Variants in C6orf89 observed in about 807,000 individuals in gnomAD.
C6orf89 encodes bombesin receptor-activated protein C6orf89.
A neutral mutation model predicts 40.7 loss-of-function variants in C6orf89; 29 were observed. The ratio of observed to expected loss-of-function variants is 0.71; its 90% confidence interval spans 0.53 to 0.97. C6orf89 has a LOEUF of 0.97. Among genes scored for constraint, C6orf89 ranks in the 50% least tolerant of loss-of-function variants. C6orf89 has a pLI of 0.00. For synonymous variants in C6orf89, 165 were observed against 152.2 expected, an observed-to-expected ratio of 1.08 and a Z score of -0.62; for missense variants, 392 against 429.1, an observed-to-expected ratio of 0.91 and a Z score of 0.76.
chr6:36,875,652 A>C (rs1432848629), intron 1 of C6orf89, among the ~76,000 whole-genome samples: 3 of 152,266 alleles, frequency 2.0e-5, no homozygotes, highest in African/African-American at 7.2e-5. Context: ...TGCTTTGCAC[A>C]CCACTTAATA....
At chr6:36,890,429 T>G (rs1761153791) in intron 1 of C6orf89, among the ~76,000 whole-genome samples, 1 of 152,232 alleles carries the variant, frequency 6.6e-6, no homozygotes, top group Non-Finnish European at 1.5e-5. Context: ...TTATTTCACT[T>G]AGCATAATGT....
chr6:36,906,117 C>T (rs1029183339), intron 4 of C6orf89, among the ~76,000 whole-genome samples: 1 of 152,154 alleles, frequency 6.6e-6, no homozygotes, highest in Non-Finnish European at 1.5e-5. Context: ...ATTTGGAACT[C>T]GATGCATCCC....
chr6:36,911,653 T>A (rs1762129003), intron 4 of C6orf89, among the ~76,000 whole-genome samples: 1 of 152,172 alleles, frequency 6.6e-6, no homozygotes, highest in African/African-American at 2.4e-5. Flanking sequence ...CTGGGAAGAC[T>A]GTCATAATTA....
At chr6:36,897,418 G>A (rs147306644) in intron 2 of C6orf89, among the ~76,000 whole-genome samples, 209 of 152,140 alleles carry the variant, frequency 1.4e-3, no homozygotes, top group Middle Eastern at 3.4e-3. Flanking sequence ...TTCAATCCTG[G>A]GTTGGTAGAA....
At chr6:36,917,635 AAGCCTATAAAAACAATCATTTTGTCT>A (rs1307478536) in intron 7 of C6orf89, among the ~76,000 whole-genome samples, 2 of 152,230 alleles carry the variant, frequency 1.3e-5, no homozygotes, top group Non-Finnish European at 1.5e-5. Context: ...AGGAATTTAA[AAGCCTATAAAAACAATCATTTTGTCT>A]AGAAGTAAGA....
In C6orf89 at chr6:36,925,726, G is replaced by A. The variant is rs1324094979; in HGVS notation, c.*2285G>A. The A allele has an allele frequency of 1.3e-5, 2 of 152,248 alleles. No individual in the cohort carries two copies. Among genetic ancestry groups the A allele is most frequent in the Non-Finnish European group, 2.9e-5 (2 of 68,048 alleles). 9.4% of individuals were successfully genotyped at this position (152,248 alleles called of 1,614,324 possible). On this transcript the variant is annotated 3_prime_UTR_variant, in exon 9 of 9. Transcript: ENST00000480824. ...GCCAGAGCGACAGGAGTGGCTAGGG[G>A]TTGCCAGCCAGTCCCTTTCTGATGA...
At chr6:36,890,928 T>C (rs1343307561) in intron 1 of C6orf89, among the ~76,000 whole-genome samples, 2 of 152,226 alleles carry the variant, frequency 1.3e-5, no homozygotes, top group Non-Finnish European at 2.9e-5. Context: ...TTTTATCAGT[T>C]ATTTTTCCTT....
chr6:36,913,383 G>A (rs1762194681), intron 4 of C6orf89, among the ~76,000 whole-genome samples: 1 of 152,168 alleles, frequency 6.6e-6, no homozygotes, highest in Non-Finnish European at 1.5e-5. Flanking sequence ...TTATTCCAAA[G>A]ATGGCTCCAG....
chr6:36,914,419 AT>A lies in C6orf89; in HGVS notation c.540del (p.Pro181HisfsTer3), dbSNP rs1762241019. On this transcript the variant is annotated frameshift_variant, in exon 5 of 9. Transcript: ENST00000480824. LOFTEE classifies it high-confidence loss of function. Reference protein sequence around the residue: ...EDAPRKFERLHPLVIKTGKPL... With the variant: ...EDAPRKFERLXPLVIKTGKPL... ...GCCCCAAGGAAATTTGAGAGGCTCC[AT>A]CCACTGGTGATCAAGGTGAGCAGAA... 2 of 1,614,092 alleles carry A rather than the reference AT, an allele frequency of 1.2e-6. No homozygotes were observed. The highest frequency in any genetic ancestry group is 2.7e-5 in the African/African-American group (2 of 74,940).
At chr6:36,905,005 C>T (rs1761873681) in intron 4 of C6orf89, among the ~76,000 whole-genome samples, 1 of 152,168 alleles carries the variant, frequency 6.6e-6, no homozygotes, top group African/African-American at 2.4e-5. Flanking sequence ...CCCCTAAATG[C>T]TCTCAATAAG....
rs138348353 is a variant in C6orf89 at position 36,900,836 on chromosome 6, C to T, written c.189+1203C>T. 3.4e-4 allele frequency among the ~76,000 whole-genome samples: 51 copies of T among 150,550 alleles called. 1 individual carries two copies. In the Middle Eastern group the frequency reaches 0.011, roughly 31 times the overall value. ...TACAGGTGTGAGCCACTGCAGCCAG[C>T]CTTTATGTATGTATTTATTTATTTT... is the stretch of plus-strand genomic sequence containing the variant. On this transcript the variant is annotated intron_variant, in intron 3 of 8. Coordinates refer to ENST00000480824, the MANE Select transcript of C6orf89 (RefSeq NM_001286635.2).
intron 4 of C6orf89, among the ~76,000 whole-genome samples, chr6:36,913,170 G>T (rs1762186753): frequency 6.6e-6 from 1 of 152,210 alleles, no homozygotes; most frequent in South Asian, 2.1e-4. Context: ...GAGGGAAGCT[G>T]GGAAAGGCTG....
rs956843571 is a variant in C6orf89, at chr6:36,919,490, T to C, written c.826-88T>C. 4.0e-6 allele frequency: 6 copies of C among 1,483,722 alleles called. No individual in the cohort carries two copies. The East Asian group carries it at 6.9e-5, about 17-fold the overall frequency. The allele number at this position is 1,483,722 out of a possible 1,614,324, so 91.9% of individuals were successfully genotyped here. A position where few individuals can be genotyped will look rare whatever the true frequency, so the allele number is the denominator to read the frequency against. Reference sequence around the variant, plus strand: ...TTATGCTAGGAAACTCAGAGCCATATGTGAAAGCATTTTTATTTACTAAAC... The same window carrying C: ...TTATGCTAGGAAACTCAGAGCCATACGTGAAAGCATTTTTATTTACTAAAC... On this transcript the variant is annotated intron_variant, in intron 7 of 8. Transcript: ENST00000480824.
intron 1 of C6orf89, among the ~76,000 whole-genome samples, chr6:36,886,561 T>C (rs1382785934): frequency 1.3e-5 from 2 of 152,238 alleles, no homozygotes. Context: ...CACCTCTTAG[T>C]AGAAGGAAAT....
Position 36,914,424 on chromosome 6 carries a change from C to T in C6orf89, c.544C>T (p.Leu182=). 6.2e-7 allele frequency: 1 copy of T among 1,614,188 alleles called. No homozygotes were observed. Among genetic ancestry groups the T allele is most frequent in the Non-Finnish European group, 8.5e-7 (1 of 1,180,022 alleles). Reference sequence around the variant, plus strand: ...AAGGAAATTTGAGAGGCTCCATCCACTGGTGATCAAGGTGAGCAGAAGCCT... The same window carrying T: ...AAGGAAATTTGAGAGGCTCCATCCATTGGTGATCAAGGTGAGCAGAAGCCT... ...APRKFERLHP[L]VIKTGKPLLE... is the part of the protein sequence containing the mutation. The change falls in exon 5 of 9, where the codon CTG becomes TTG. Residue 182 remains leucine, a synonymous_variant. Coordinates refer to ENST00000480824, the MANE Select transcript of C6orf89 (RefSeq NM_001286635.2).
intron 1 of C6orf89, chr6:36,874,741 G>C (rs757713581): frequency 3.1e-6 from 5 of 1,614,170 alleles, no homozygotes; most frequent in Non-Finnish European, 4.2e-6. Flanking sequence ...AACGTTGGGT[G>C]GCTGCCAGGA....
chr6:36,917,698 A>T (rs1410830946), intron 7 of C6orf89, among the ~76,000 whole-genome samples: 1 of 146,454 alleles, frequency 6.8e-6, no homozygotes, highest in Non-Finnish European at 1.5e-5. Flanking sequence ...ACTGGGGTGG[A>T]GATGCTGGGC....
At chr6:36,887,047 T>C (rs1775018804) in intron 1 of C6orf89, among the ~76,000 whole-genome samples, 1 of 152,158 alleles carries the variant, frequency 6.6e-6, no homozygotes, top group African/African-American at 2.4e-5. Context: ...CCAGAAACAA[T>C]GTCCAAATGC....
At position 36,901,289 on chromosome 6, in the gene C6orf89, G is replaced by GTATTATTAT. The variant is rs1337857767; in HGVS notation, c.190-906_190-898dup. 9.3e-4 allele frequency among the ~76,000 whole-genome samples: 74 copies of GTATTATTAT among 79,540 alleles called. 2 individuals carry two copies. The highest frequency in any genetic ancestry group is 2.3e-3 in the African/African-American group (49 of 21,036). The allele number at this position is 79,540 out of a possible 152,430, so 52.2% of individuals were successfully genotyped here. A position where few individuals can be genotyped will look rare whatever the true frequency, so the allele number is the denominator to read the frequency against. On this transcript the variant is annotated intron_variant, in intron 3 of 8. Coordinates refer to ENST00000480824, the MANE Select transcript of C6orf89 (RefSeq NM_001286635.2). ...GAGCCACTGCGCCCGGCCCCTTTGT[G>GTATTATTAT]TATTATTATTATTATTATTATTATT...
Sources: gnomAD v4.1 joint callset for allele counts (sites outside exome capture counted in the v4.1 genomes callset) on GRCh38, gnomAD v4.1.1 for gene constraint, MANE v1.5 for transcripts, NCBI Gene and HGNC (gene_info 2026-07-23, HGNC 2026-07-21) for gene names.